The following ENAH variants were observed in gnomAD, a reference collection of about 807,000 sequenced individuals.
ENAH encodes the protein protein enabled homolog.
ENAH carries 23 observed loss-of-function variants against 78.7 expected under a neutral mutation model. The ratio of observed to expected loss-of-function variants is 0.29; its 90% CI spans 0.21 to 0.41. ENAH has a LOEUF of 0.41. ENAH is among the 10% of genes least tolerant of loss of function. ENAH has a pLI of 1.00. For synonymous variants in ENAH, 226 were observed against 241.0 expected (o/e 0.94, Z 0.58); for missense variants, 544 against 691.0 (o/e 0.79, Z 2.39).
intron 11 of ENAH, among the ~76,000 whole-genome samples, chr1:225,501,863 C>T (rs1558707624): frequency 6.6e-6 from 1 of 152,142 alleles, no homozygotes; most frequent in Admixed American, 6.5e-5. Flanking sequence ...ATATTTTAAA[C>T]AAGTTTCAAC....
chr1:225,526,239 C>T (rs1055234700), intron 4 of ENAH, among the ~76,000 whole-genome samples: 1 of 152,086 alleles, frequency 6.6e-6, no homozygotes, highest in Non-Finnish European at 1.5e-5. Context: ...ACTTTACTTT[C>T]TTTCTCATAT....
At position 225,540,499 on chromosome 1, in the gene ENAH, A is replaced by G. The variant is rs115340839; in HGVS notation, c.350-9861T>C. ...AGGTTTCTGATAACTACAGTAACAT[A>G]CTTAGGGGTGGGGAAAAAATGAAGG... is the stretch of plus-strand genomic sequence containing the variant. On this transcript the variant is annotated intron_variant, in intron 3 of 13. Coordinates refer to ENST00000366843, the MANE Select transcript of ENAH (RefSeq NM_018212.6). Among the ~76,000 whole-genome samples, 760 of 152,282 alleles carry G rather than the reference A, an allele frequency of 5.0e-3. 8 individuals carry two copies. The highest frequency in any genetic ancestry group is 0.017 in the African/African-American group (713 of 41,546).
chr1:225,505,050 C>T (rs1254170252), intron 11 of ENAH: 2 of 1,609,820 alleles, frequency 1.2e-6, no homozygotes, highest in Non-Finnish European at 1.7e-6. Flanking sequence ...TTGGAGAATC[C>T]CGTCTATGAA....
intron 1 of ENAH, among the ~76,000 whole-genome samples, chr1:225,584,473 A>G (rs894823582): frequency 1.6e-4 from 24 of 152,240 alleles, no homozygotes; most frequent in African/African-American, 5.8e-4. Context: ...TATCCCCCAA[A>G]AAGGCAGAAA....
intron 3 of ENAH, among the ~76,000 whole-genome samples, chr1:225,544,170 A>G (rs1228426988): frequency 1.3e-5 from 2 of 152,248 alleles, no homozygotes; most frequent in Non-Finnish European, 2.9e-5. Context: ...TTAAGAGGAA[A>G]ATGTTCCACA....
chr1:225,601,485 G>T (rs576567842), intron 1 of ENAH, among the ~76,000 whole-genome samples: 3 of 149,832 alleles, frequency 2.0e-5, no homozygotes, highest in African/African-American at 4.9e-5. Context: ...GCCACTGCAC[G>T]CCAGCCTGGG....
chr1:225,514,751 G>T lies in ENAH; in HGVS notation c.1063C>A (p.Pro355Thr). ...TGPPPPPPPP[P>T]LPNQVPPPPP... ...GGAGGGGGTACTTGATTAGGGAGAG[G>T]AGGGGGAGGAGGGGGCGGTGGAGGC... Residue 355 changes from proline to threonine, a missense_variant, in exon 7 of 14, where the codon CCT becomes ACT. This residue lies in a region of ENAH where 366 missense variants were observed against 396.1 expected (regional missense o/e 0.92). Coordinates refer to ENST00000366843, the MANE Select transcript of ENAH (RefSeq NM_018212.6). The T allele has an allele frequency of 7.4e-7, 1 of 1,347,758 alleles. No individual in the cohort carries two copies. Among genetic ancestry groups the T allele is most frequent in the Non-Finnish European group, 1.0e-6 (1 of 997,914 alleles). The allele number at this position is 1,347,758 out of a possible 1,614,324, so 83.5% of individuals were successfully genotyped here.
chr1:225,650,076 T>C (rs1415098734), intron 1 of ENAH, among the ~76,000 whole-genome samples: 1 of 152,140 alleles, frequency 6.6e-6, no homozygotes, highest in Non-Finnish European at 1.5e-5. Context: ...TCCCAAAGAA[T>C]ATTCCAAAGA....
intron 4 of ENAH, 117 bp from the exon 5 acceptor site, chr1:225,519,682 C>A: frequency 7.0e-7 from 1 of 1,419,376 alleles, no homozygotes; most frequent in Non-Finnish European, 9.5e-7. Context: ...GTAGAGCATG[C>A]AAACATCTCT....
At chr1:225,551,562 A>G (rs2096640758) in intron 3 of ENAH, among the ~76,000 whole-genome samples, 1 of 152,150 alleles carries the variant, frequency 6.6e-6, no homozygotes, top group African/African-American at 2.4e-5. Flanking sequence ...GCGGATCCGG[A>G]ACCCTATATC....
intron 1 of ENAH, among the ~76,000 whole-genome samples, chr1:225,592,354 C>G (rs775223798): frequency 6.6e-6 from 1 of 152,146 alleles, no homozygotes; most frequent in Admixed American, 6.5e-5. Flanking sequence ...TGACCAATTC[C>G]CTATCCAGCA....
At chr1:225,592,412 T>C (rs550154857) in intron 1 of ENAH, among the ~76,000 whole-genome samples, 28 of 152,318 alleles carry the variant, frequency 1.8e-4, no homozygotes, top group Non-Finnish European at 2.1e-4. Context: ...TGAGGCTCTC[T>C]TCATTTTTAC....
intron 4 of ENAH, among the ~76,000 whole-genome samples, chr1:225,526,895 C>T (rs2096509755): frequency 6.6e-6 from 1 of 152,110 alleles, no homozygotes; most frequent in Non-Finnish European, 1.5e-5. Context: ...GTTTGATGAT[C>T]CTTGGCTGTC....
rs564858425 is a variant in ENAH at position 225,627,452 on chromosome 1, AGATACAGCCAAT to A, written c.5+25222_5+25233del. On this transcript the variant is annotated intron_variant, in intron 1 of 13. Coordinates refer to ENST00000366843, the MANE Select transcript of ENAH (RefSeq NM_018212.6). ...AAAATGAAAAGGGAGGAAAGGAACA[AGATACAGCCAAT>A]GAGATAAGGAGAGAACCAAGGGAGC... Among the ~76,000 whole-genome samples the A allele has an allele frequency of 9.4e-3, 1,427 of 152,288 alleles. 8 individuals are homozygous for A. Among genetic ancestry groups the A allele is most frequent in the Non-Finnish European group, 0.015 (1,008 of 68,026 alleles).
At chr1:225,645,912 T>C (rs539987401) in intron 1 of ENAH, among the ~76,000 whole-genome samples, 1 of 152,358 alleles carries the variant, frequency 6.6e-6, no homozygotes, top group African/African-American at 2.4e-5. Flanking sequence ...CACTTAGATA[T>C]ACATACATTG....
At chr1:225,613,301 T>C (rs769059312) in intron 1 of ENAH, among the ~76,000 whole-genome samples, 6 of 152,186 alleles carry the variant, frequency 3.9e-5, no homozygotes, top group Non-Finnish European at 7.3e-5. Context: ...ACACATTTTA[T>C]CTTTTTCACA....
At chr1:225,597,951 G>A (rs61850604) in intron 1 of ENAH, among the ~76,000 whole-genome samples, 2 of 143,264 alleles carry the variant, frequency 1.4e-5, no homozygotes, top group Non-Finnish European at 3.1e-5. Flanking sequence ...TTTTTTTTTG[G>A]CAAATATTAA....
At chr1:225,546,651 T>C (rs1408665434) in intron 3 of ENAH, among the ~76,000 whole-genome samples, 3 of 152,210 alleles carry the variant, frequency 2.0e-5, no homozygotes, top group African/African-American at 7.2e-5. Flanking sequence ...AAATTGAGGC[T>C]TTGAGGTATA....
intron 1 of ENAH, among the ~76,000 whole-genome samples, chr1:225,649,118 T>C (rs1276559463): frequency 2.0e-5 from 3 of 152,192 alleles, no homozygotes; most frequent in Non-Finnish European, 1.5e-5. Flanking sequence ...TATCATTTGA[T>C]CCTCACTACT....
Sources: gnomAD v4.1 joint callset for allele counts (sites outside exome capture counted in the v4.1 genomes callset) on GRCh38, gnomAD v4.1.1 for gene constraint, gnomAD v4.1.1 regional missense constraint, MANE v1.5 for transcripts, NCBI Gene and HGNC (gene_info 2026-07-23, HGNC 2026-07-21) for gene names.